The following FER variants were observed in gnomAD, a reference collection of about 807,000 sequenced individuals.
FER encodes FER tyrosine kinase.
A neutral mutation model predicts 111.0 loss-of-function variants in FER; 63 were observed. That is an observed-to-expected ratio of 0.57 (90% CI 0.46 to 0.70). The LOEUF (loss-of-function observed/expected upper bound fraction) is 0.70, where lower values mean the gene tolerates loss of function less well. FER is among the 30% of genes least tolerant of loss of function. The pLI is 0.00. For missense variants in FER, 914 were observed against 954.0 expected (o/e 0.96, Z 0.55); for synonymous variants, 327 against 313.9 (o/e 1.04, Z -0.44).
At chr5:108,895,983 G>A (rs1455130331) in intron 9 of FER, among the ~76,000 whole-genome samples, 2 of 151,732 alleles carry the variant, frequency 1.3e-5, no homozygotes. Flanking sequence ...TAAAATTACT[G>A]TAACAATACT....
chr5:109,068,662 C>G (rs1394789669), intron 16 of FER, among the ~76,000 whole-genome samples: 1 of 152,168 alleles, frequency 6.6e-6, no homozygotes, highest in African/African-American at 2.4e-5. Flanking sequence ...ATTTGTGTGA[C>G]TTTAAGCATG....
rs1005102770 is a variant in FER, at chr5:108,898,683, C to T, written c.1236+835C>T. ...TCCTCTTTCTTTTCTCTCTCTTCCT[C>T]TTTCTTTCTTTATCTTTCCTTTTTC... On this transcript the variant is annotated intron_variant, in intron 10 of 19. Coordinates refer to ENST00000281092, the MANE Select transcript of FER (RefSeq NM_005246.4). Among the ~76,000 whole-genome samples, 4 of 148,228 alleles carry T rather than the reference C, an allele frequency of 2.7e-5. 1 individual carries two copies. In the South Asian group the frequency reaches 8.7e-4, roughly 32 times the overall value.
intron 5 of FER, among the ~76,000 whole-genome samples, chr5:108,854,224 T>G (rs1286406920): frequency 6.6e-6 from 1 of 152,222 alleles, no homozygotes; most frequent in Admixed American, 6.5e-5. Flanking sequence ...AATTTAACAT[T>G]GAACTCACAA....
chr5:109,059,360 T>TAA (rs569822598), intron 16 of FER, among the ~76,000 whole-genome samples: 3 of 136,290 alleles, frequency 2.2e-5, no homozygotes, highest in Non-Finnish European at 3.2e-5. Flanking sequence ...CTGCCTCTAC[T>TAA]AAAAAAAAAA....
chr5:109,002,171 C>A (rs919839933), intron 13 of FER, among the ~76,000 whole-genome samples: 137 of 151,684 alleles, frequency 9.0e-4, no homozygotes, highest in Middle Eastern at 6.8e-3. Context: ...CCAAGTCACT[C>A]CTAAGCCAAA....
rs1763020008 is a variant in FER at position 108,856,484 on chromosome 5, A to C, written c.482-11283A>C. On this transcript the variant is annotated intron_variant, in intron 5 of 19. Coordinates refer to ENST00000281092, the MANE Select transcript of FER (RefSeq NM_005246.4). ...TTAGATACCTTTCGTATCATAGTAC[A>C]TATTAGGAGTTGGAGGTTAGTATGT... Among the ~76,000 whole-genome samples the C allele has an allele frequency of 3.3e-5, 5 of 152,308 alleles. No homozygotes were observed. In the South Asian group the frequency reaches 1.0e-3, roughly 32 times the overall value.
At chr5:108,830,145 G>C (rs1402132166) in intron 3 of FER, among the ~76,000 whole-genome samples, 2 of 152,184 alleles carry the variant, frequency 1.3e-5, no homozygotes, top group African/African-American at 4.8e-5. Flanking sequence ...GATAATGGGA[G>C]ACATTATAAG....
At chr5:108,973,036 TC>T (rs1760874255) in intron 13 of FER, among the ~76,000 whole-genome samples, 1 of 152,172 alleles carries the variant, frequency 6.6e-6, no homozygotes, top group African/African-American at 2.4e-5. Context: ...GCAAACTATA[TC>T]TAATTGTTTC....
intron 13 of FER, among the ~76,000 whole-genome samples, chr5:108,984,230 T>C (rs753375395): frequency 9.9e-5 from 15 of 152,110 alleles, no homozygotes; most frequent in Non-Finnish European, 1.8e-4. Flanking sequence ...AAATTCTCTT[T>C]ATGGGGAGTT....
chr5:109,015,394 G>A (rs1489970546), intron 13 of FER, among the ~76,000 whole-genome samples: 2 of 151,938 alleles, frequency 1.3e-5, no homozygotes, highest in Admixed American at 6.6e-5. Flanking sequence ...AGAAGCAAAC[G>A]TGTGACTTTT....
chr5:108,751,953 G>T (rs1223177004), intron 1 of FER, among the ~76,000 whole-genome samples: 1 of 151,970 alleles, frequency 6.6e-6, no homozygotes. Context: ...CCCTAAATCT[G>T]TTTTTCATAC....
intron 13 of FER, among the ~76,000 whole-genome samples, chr5:109,025,207 G>A (rs1001765207): frequency 1.3e-5 from 2 of 151,896 alleles, no homozygotes; most frequent in South Asian, 2.1e-4. Context: ...AAATTACCTT[G>A]GGCAGTATGG....
intron 10 of FER, among the ~76,000 whole-genome samples, chr5:108,908,327 G>C (rs1212988365): frequency 1.3e-5 from 2 of 151,960 alleles, no homozygotes; most frequent in Non-Finnish European, 2.9e-5. Flanking sequence ...TTGCTATAAC[G>C]AAATAATAGC....
intron 16 of FER, among the ~76,000 whole-genome samples, chr5:109,056,208 T>C (rs28874995): frequency 0.054 from 8,209 of 152,250 alleles, 271 homozygotes; most frequent in South Asian, 0.084. Flanking sequence ...ACCTCAGCAA[T>C]CCCTCTTCTG....
chr5:109,015,495 C>T (rs1766956119), intron 13 of FER, among the ~76,000 whole-genome samples: 1 of 151,830 alleles, frequency 6.6e-6, no homozygotes, highest in African/African-American at 2.4e-5. Flanking sequence ...CTTCTTGATA[C>T]ACTCTGGAGC....
chr5:109,159,824 A>G (rs995723911), intron 17 of FER, among the ~76,000 whole-genome samples: 1 of 152,236 alleles, frequency 6.6e-6, no homozygotes, highest in Admixed American at 6.5e-5. Flanking sequence ...GGCCTCTCAT[A>G]GAGGCTCTGC....
chr5:108,821,364 A>G (rs1349196499), intron 3 of FER, among the ~76,000 whole-genome samples: 2 of 152,180 alleles, frequency 1.3e-5, no homozygotes, highest in African/African-American at 4.8e-5. Flanking sequence ...CTGTATTTAT[A>G]GGGGAAAATT....
At chr5:109,097,301 A>G (rs1747659434) in intron 16 of FER, among the ~76,000 whole-genome samples, 1 of 151,920 alleles carries the variant, frequency 6.6e-6, no homozygotes, top group Non-Finnish European at 1.5e-5. Flanking sequence ...GAAATTTATC[A>G]TTATTATAGA....
chr5:108,784,574 T>C (rs1754465338), intron 2 of FER: 1 of 152,194 alleles, frequency 6.6e-6, no homozygotes, highest in African/African-American at 2.4e-5. Context: ...CACAGAAATA[T>C]AACATGTGGA....
Sources: gnomAD v4.1 joint callset for allele counts (sites outside exome capture counted in the v4.1 genomes callset) on GRCh38, gnomAD v4.1.1 for gene constraint, MANE v1.5 for transcripts, NCBI Gene and HGNC (gene_info 2026-07-23, HGNC 2026-07-21) for gene names.